Variants in PDE8B observed in about 807,000 individuals in gnomAD.
The protein encoded by PDE8B is phosphodiesterase 8B.
A neutral mutation model predicts 101.3 loss-of-function variants in PDE8B; 26 were observed. The ratio of observed to expected loss-of-function variants is 0.26; its 90% CI spans 0.19 to 0.36. The LOEUF (loss-of-function observed/expected upper bound fraction) is 0.36, where lower values mean the gene tolerates loss of function less well. Among genes scored for constraint, PDE8B ranks in the 10% least tolerant of loss-of-function variants. PDE8B has a pLI of 1.00. For synonymous variants in PDE8B, 424 were observed against 429.3 expected, an observed-to-expected ratio of 0.99 and a Z score of 0.15; for missense variants, 810 against 1,163.1, an observed-to-expected ratio of 0.70 and a Z score of 4.42.
chr5:77,141,753 C>T, the PDE8B span: 1 of 152,270 alleles, frequency 6.6e-6, no homozygotes, highest in Admixed American at 6.5e-5. Flanking sequence ...GTTTTGAAAA[C>T]CTTAGCTTAT....
chr5:77,357,773 G>A (rs546775581), intron 10 of PDE8B, among the ~76,000 whole-genome samples: 9 of 152,322 alleles, frequency 5.9e-5, no homozygotes, highest in African/African-American at 1.2e-4. Flanking sequence ...GCAGGCTGAC[G>A]CCATCTTTCT....
At chr5:77,173,167 G>A in the PDE8B span, among the ~76,000 whole-genome samples, 1 of 152,220 alleles carries the variant, frequency 6.6e-6, no homozygotes, top group Non-Finnish European at 1.5e-5. Context: ...GGGTTGGAAG[G>A]AGGAGATGAC....
At chr5:77,187,908 C>T in the PDE8B span, among the ~76,000 whole-genome samples, 1 of 152,156 alleles carries the variant, frequency 6.6e-6, no homozygotes, top group East Asian at 1.9e-4. Context: ...AAGGGTGTTA[C>T]TAAGGTCAGG....
chr5:77,291,213 C>G (rs878883087), intron 1 of PDE8B: 5 of 1,610,902 alleles, frequency 3.1e-6, no homozygotes, highest in Non-Finnish European at 4.2e-6. Flanking sequence ...AAGCATCCAT[C>G]ATGAGGTTGT....
At chr5:77,426,419 C>G (rs549321806) in intron 21 of PDE8B, 26 bp from the exon 22 acceptor site, 7 of 1,498,704 alleles carry the variant, frequency 4.7e-6, no homozygotes, top group Admixed American at 3.4e-5. Context: ...TCACCGGTTT[C>G]TTTTGATTCT....
chr5:77,362,533 G>A (rs916628160), intron 10 of PDE8B, among the ~76,000 whole-genome samples: 44 of 152,166 alleles, frequency 2.9e-4, no homozygotes, highest in African/African-American at 1.1e-3. Context: ...GGCTATCTTT[G>A]CTTTTTCAGC....
the PDE8B span, chr5:77,139,866 T>A: frequency 6.6e-6 from 1 of 152,266 alleles, no homozygotes; most frequent in East Asian, 1.9e-4. Context: ...GTAAATCATT[T>A]AAAATGTACT....
At chr5:77,290,200 G>T in intron 1 of PDE8B, 2 of 1,533,508 alleles carry the variant, frequency 1.3e-6, no homozygotes, top group Non-Finnish European at 1.8e-6. Context: ...CGCCTGCCTC[G>T]CGCACTGTGT....
chr5:77,180,916 C>G, the PDE8B span, among the ~76,000 whole-genome samples: 1 of 152,090 alleles, frequency 6.6e-6, no homozygotes, highest in Non-Finnish European at 1.5e-5. Flanking sequence ...GCAAAGCTGC[C>G]TCCCCTTCTG....
At chr5:77,222,595 A>G (rs1751376658) in intron 1 of PDE8B, among the ~76,000 whole-genome samples, 2 of 152,158 alleles carry the variant, frequency 1.3e-5, no homozygotes, top group South Asian at 4.1e-4. Flanking sequence ...AAAAAACAGA[A>G]TATGACATAG....
the PDE8B span, among the ~76,000 whole-genome samples, chr5:77,191,982 G>A: frequency 1.2e-4 from 18 of 152,246 alleles, no homozygotes; most frequent in South Asian, 2.1e-4. Flanking sequence ...CGTTGCATAC[G>A]CAGTTCACAG....
chr5:77,264,994 C>T (rs1761390172), intron 1 of PDE8B, among the ~76,000 whole-genome samples: 1 of 152,162 alleles, frequency 6.6e-6, no homozygotes, highest in African/African-American at 2.4e-5. Flanking sequence ...GCTGCTTGTG[C>T]AGGGTACTAG....
chr5:77,244,914 G>T (rs1254191357), intron 1 of PDE8B, among the ~76,000 whole-genome samples: 2 of 152,104 alleles, frequency 1.3e-5, no homozygotes, highest in African/African-American at 2.4e-5. Flanking sequence ...TCCAGGGCAG[G>T]GGGTGCTGAG....
intron 1 of PDE8B, among the ~76,000 whole-genome samples, chr5:77,235,402 A>G (rs1754451392): frequency 6.6e-6 from 1 of 152,204 alleles, no homozygotes; most frequent in Non-Finnish European, 1.5e-5. Flanking sequence ...CACTGGGCCT[A>G]CCAGTGTATG....
intron 3 of PDE8B, among the ~76,000 whole-genome samples, 164 bp downstream of exon 3, chr5:77,325,893 G>A (rs561830659): frequency 2.0e-5 from 3 of 152,124 alleles, no homozygotes; most frequent in African/African-American, 2.4e-5. Flanking sequence ...GCTCCTTCCT[G>A]TAGATTTCTC....
chr5:77,099,743 G>A, the PDE8B span, among the ~76,000 whole-genome samples: 3 of 152,026 alleles, frequency 2.0e-5, no homozygotes, highest in African/African-American at 7.3e-5. Context: ...CCGAGTAGCT[G>A]GGACTATAGG....
chr5:77,092,115 G>C, the PDE8B span, among the ~76,000 whole-genome samples: 1 of 152,078 alleles, frequency 6.6e-6, no homozygotes, highest in South Asian at 2.1e-4. Context: ...AGTAGGATTT[G>C]GATTCCTGGC....
At chr5:77,184,408 T>C in the PDE8B span, among the ~76,000 whole-genome samples, 5 of 152,254 alleles carry the variant, frequency 3.3e-5, no homozygotes, top group African/African-American at 1.2e-4. Flanking sequence ...AAGTATTGTC[T>C]ATAAACTATG....
intron 10 of PDE8B, among the ~76,000 whole-genome samples, chr5:77,398,085 G>A (rs1269364640): frequency 6.9e-6 from 1 of 144,814 alleles, no homozygotes; most frequent in Admixed American, 6.8e-5. Context: ...ATCCCAGGCT[G>A]TTGGAAATTC....
Sources: allele counts gnomAD v4.1 joint callset (sites outside exome capture counted in the v4.1 genomes callset), GRCh38; gene constraint gnomAD v4.1.1; transcripts MANE v1.5; gene names NCBI Gene and HGNC (gene_info 2026-07-23, HGNC 2026-07-21).